AHDC1: variants seen among roughly 807,000 people sequenced by gnomAD.
AHDC1 encodes AT-hook DNA binding motif containing 1.
Under a neutral mutation model 87.9 loss-of-function variants are expected in AHDC1, and 7 were observed. The ratio of observed to expected loss-of-function variants is 0.08; its 90% confidence interval spans 0.05 to 0.15. AHDC1 has a LOEUF of 0.15. AHDC1 is among the 10% of genes least tolerant of loss of function. The pLI is 1.00. For synonymous variants in AHDC1, 1,051 were observed against 1,006.8 expected (o/e 1.04, Z -0.83); for missense variants, 1,841 against 2,253.2 (o/e 0.82, Z 3.70).
At chr1:27,586,184 A>G (rs2089051747) in intron 3 of AHDC1, among the ~76,000 whole-genome samples, 2 of 152,076 alleles carry the variant, frequency 1.3e-5, no homozygotes. Context: ...ACATCAAAAT[A>G]CTGTTTCTTG....
At position 27,562,025 on chromosome 1, in the gene AHDC1, C is replaced by T. The variant is rs1175690235; in HGVS notation, c.-628-3142G>A. The stretch of plus-strand genomic sequence containing the variant: ...AGAGGGGAGAGAGGCACGGGGGAAG[C>T]GAGCCAGGCAGAGATGGGAAAGGCA... On this transcript the variant is annotated intron_variant, in intron 3 of 8. Coordinates refer to ENST00000673934, the MANE Select transcript of AHDC1 (RefSeq NM_001371928.1). The surrounding 1 kb of genome is among the most constrained non-coding windows in gnomAD (Gnocchi z 4.4). 2.0e-5 allele frequency among the ~76,000 whole-genome samples: 3 copies of T among 151,934 alleles called. No homozygotes were observed. Among genetic ancestry groups the T allele is most frequent in the Non-Finnish European group, 4.4e-5 (3 of 67,948 alleles).
At position 27,572,444 on chromosome 1, in the gene AHDC1, T is replaced by A. The variant is rs1222336474; in HGVS notation, c.-628-13561A>T. 2.6e-5 allele frequency among the ~76,000 whole-genome samples: 4 copies of A among 152,210 alleles called. No homozygotes were observed. The South Asian group carries it at 8.3e-4, about 32-fold the overall frequency. On this transcript the variant is annotated intron_variant, in intron 3 of 8. Transcript: ENST00000673934. ...ACCACCGGATGGTCCCAGTACAACC[T>A]GACATCTGATAGCAGCCCAAACGGC...
At chr1:27,591,291 C>T (rs2089214037) in intron 3 of AHDC1, among the ~76,000 whole-genome samples, 1 of 152,214 alleles carries the variant, frequency 6.6e-6, no homozygotes, top group Non-Finnish European at 1.5e-5. Flanking sequence ...GAGGAGGTAG[C>T]CTCCCCGCTC....
chr1:27,584,983 G>C (rs893100681), intron 3 of AHDC1, among the ~76,000 whole-genome samples: 1 of 152,094 alleles, frequency 6.6e-6, no homozygotes, highest in African/African-American at 2.4e-5. Context: ...GACCAGCCCG[G>C]CCAACATGGT....
At chr1:27,556,407 T>G (rs2019818656) in intron 5 of AHDC1, among the ~76,000 whole-genome samples, 2 of 152,032 alleles carry the variant, frequency 1.3e-5, no homozygotes, top group South Asian at 4.1e-4. Flanking sequence ...AAGGGGCCAT[T>G]ACTGCTGCTC....
intron 3 of AHDC1, among the ~76,000 whole-genome samples, chr1:27,599,179 A>ACAGGGCCAGGGCCAGGGC: frequency 6.6e-6 from 1 of 152,064 alleles, no homozygotes; most frequent in East Asian, 1.9e-4. Context: ...CAGCCCTACC[A>ACAGGGCCAGGGCCAGGGC]CAGGGCCAGG....
At chr1:27,580,086 A>G (rs1021521399) in intron 3 of AHDC1, among the ~76,000 whole-genome samples, 1 of 152,260 alleles carries the variant, frequency 6.6e-6, no homozygotes, top group Admixed American at 6.5e-5. Flanking sequence ...ACTCCCCTAG[A>G]GAGATCAAGG....
At chr1:27,552,369 G>T in intron 7 of AHDC1, 180 bp from the exon 8 acceptor site, 2 of 456,054 alleles carry the variant, frequency 4.4e-6, no homozygotes, top group Non-Finnish European at 7.1e-6. Flanking sequence ...ACCACCATGT[G>T]TATAGTGAGC....
intron 5 of AHDC1, among the ~76,000 whole-genome samples, chr1:27,557,648 G>A (rs752601877): frequency 1.3e-5 from 2 of 152,112 alleles, no homozygotes; most frequent in Non-Finnish European, 2.9e-5. Flanking sequence ...ACAGATCCCC[G>A]TGTGCATACA....
chr1:27,585,075 G>A (rs1368820272), intron 3 of AHDC1, among the ~76,000 whole-genome samples: 1 of 151,624 alleles, frequency 6.6e-6, no homozygotes, highest in Non-Finnish European at 1.5e-5. Context: ...TGGTCTGGGC[G>A]ACATGGCAAA....
At chr1:27,555,056 T>C (rs981013597) in intron 5 of AHDC1, among the ~76,000 whole-genome samples, 1 of 152,208 alleles carries the variant, frequency 6.6e-6, no homozygotes, top group Non-Finnish European at 1.5e-5. Context: ...CCTGTAACAA[T>C]CCTTCAGCCA....
intron 3 of AHDC1, among the ~76,000 whole-genome samples, chr1:27,569,407 A>AT (rs1389893978): frequency 6.6e-6 from 1 of 152,122 alleles, no homozygotes; most frequent in Non-Finnish European, 1.5e-5. Flanking sequence ...ACAGGCAAGG[A>AT]TTTGAACCCC....
Position 27,604,136 on chromosome 1 carries a change from G to A in AHDC1, c.-893C>T. On this transcript the variant is annotated 5_prime_UTR_variant, in exon 1 of 9. Coordinates refer to ENST00000673934, the MANE Select transcript of AHDC1 (RefSeq NM_001371928.1). ...TCTCTCCGTCTCCGCCGCCGCCGCCGCTGCCTCTGCGAGCTCGCCTTACCT... is the reference window on the plus strand; with the variant it reads ...TCTCTCCGTCTCCGCCGCCGCCGCCACTGCCTCTGCGAGCTCGCCTTACCT... The A allele has an allele frequency of 6.4e-6, 1 of 157,092 alleles. No homozygotes were observed. Among genetic ancestry groups the A allele is most frequent in the Non-Finnish European group, 1.4e-5 (1 of 71,274 alleles). The allele number at this position is 157,092 out of a possible 1,614,324, so 9.7% of individuals were successfully genotyped here. A position where few individuals can be genotyped will look rare whatever the true frequency, so the allele number is the denominator to read the frequency against.
intron 3 of AHDC1, among the ~76,000 whole-genome samples, chr1:27,601,874 G>A (rs1031946089): frequency 6.6e-6 from 1 of 152,202 alleles, no homozygotes; most frequent in Admixed American, 6.5e-5. Context: ...GGCGGCGACA[G>A]CAGCAGCGGA....
In AHDC1 at chr1:27,562,071, G is replaced by A. The variant is rs993514365; in HGVS notation, c.-628-3188C>T. Among the ~76,000 whole-genome samples the A allele has an allele frequency of 1.3e-5, 2 of 152,088 alleles. No individual in the cohort carries two copies. The highest frequency in any genetic ancestry group is 2.9e-5 in the Non-Finnish European group (2 of 68,004). On this transcript the variant is annotated intron_variant, in intron 3 of 8. Coordinates refer to ENST00000673934, the MANE Select transcript of AHDC1 (RefSeq NM_001371928.1). This position sits in a 1 kb window ranked among gnomAD's most constrained non-coding sequence, Gnocchi z 4.4. ...AGGCAGGAGAGAGCAGGGACCAGGGGTTTCTGCAGGAGCCTGAGAAAGAGG... is the reference window on the plus strand; with the variant it reads ...AGGCAGGAGAGAGCAGGGACCAGGGATTTCTGCAGGAGCCTGAGAAAGAGG...
intron 3 of AHDC1, among the ~76,000 whole-genome samples, chr1:27,564,471 G>A (rs1048974551): frequency 6.6e-6 from 1 of 152,234 alleles, no homozygotes; most frequent in African/African-American, 2.4e-5. Context: ...AGCCTCATGA[G>A]ACAAGGTAGC....
At position 27,548,506 on chromosome 1, in the gene AHDC1, G is replaced by C; in HGVS notation, c.3610C>G (p.Leu1204Val). The change falls in exon 8 of 9, where the codon CTG becomes GTG. Residue 1204 changes from leucine (L) to valine (V), a missense_variant. Leu to Val is a conservative substitution (Grantham distance 32, BLOSUM62 1). This residue lies in a region of AHDC1 where 505 missense variants were observed against 626.2 expected (regional missense o/e 0.81). Coordinates refer to ENST00000673934, the MANE Select transcript of AHDC1 (RefSeq NM_001371928.1). ...GATGCCTCGTTCCAGTCCATCATCA[G>C]TTTCTCCAGGCTGGACAGGCTCGAC... The part of the protein sequence containing the change: ...GQSSLSSLEK[L>V]MMDWNEASSA... 6.2e-7 allele frequency: 1 copy of C among 1,613,966 alleles called. No individual in the cohort carries two copies. Among genetic ancestry groups the C allele is most frequent in the Non-Finnish European group, 8.5e-7 (1 of 1,180,050 alleles).
intron 5 of AHDC1, among the ~76,000 whole-genome samples, chr1:27,556,667 GT>G (rs2019829392): frequency 6.6e-6 from 1 of 152,136 alleles, no homozygotes; most frequent in Admixed American, 6.5e-5. Context: ...GAGAGGTTAA[GT>G]TATGCCCTTA....
chr1:27,542,026 T>C (rs1283246007), intron 8 of AHDC1, among the ~76,000 whole-genome samples: 1 of 152,226 alleles, frequency 6.6e-6, no homozygotes, highest in Non-Finnish European at 1.5e-5. Context: ...CTGGATACAA[T>C]GCCTGGCCCC....
Sources: gnomAD v4.1 joint callset for allele counts (sites outside exome capture counted in the v4.1 genomes callset) on GRCh38, gnomAD v4.1.1 for gene constraint, gnomAD v4.1.1 regional missense constraint, Gnocchi (gnomAD v3.1) non-coding constraint, MANE v1.5 for transcripts, NCBI Gene and HGNC (gene_info 2026-07-23, HGNC 2026-07-21) for gene names.